The following DEUP1 variants were observed in gnomAD, a reference collection of about 807,000 sequenced individuals.
The protein encoded by DEUP1 is coiled-coil domain containing 67.
Under a neutral mutation model 87.4 loss-of-function variants are expected in DEUP1, and 82 were observed. The observed-to-expected ratio is 0.94, with a 90% confidence interval of 0.78 to 1.13. The LOEUF is 1.13. Among genes scored for constraint, DEUP1 ranks in the 50% most tolerant of loss-of-function variants. The pLI is 0.00. For missense variants in DEUP1, 663 were observed against 681.5 expected (o/e 0.97, Z 0.30); for synonymous variants, 214 against 222.7 (o/e 0.96, Z 0.35).
intron 2 of DEUP1, among the ~76,000 whole-genome samples, chr11:93,347,423 T>C (rs1248099776): frequency 6.6e-6 from 1 of 152,188 alleles, no homozygotes; most frequent in Non-Finnish European, 1.5e-5. Flanking sequence ...TTTGCCAGTA[T>C]TTTGTTGAGG....
intron 7 of DEUP1, among the ~76,000 whole-genome samples, chr11:93,375,490 T>C (rs749224241): frequency 6.6e-6 from 1 of 152,212 alleles, no homozygotes; most frequent in African/African-American, 2.4e-5. Context: ...GTTTTAATCA[T>C]AAAAGGATGC....
chr11:93,435,022 C>A (rs1948202596), intron 13 of DEUP1, among the ~76,000 whole-genome samples: 1 of 152,150 alleles, frequency 6.6e-6, no homozygotes, highest in African/African-American at 2.4e-5. Flanking sequence ...CCCCCACTGC[C>A]ATACTCTTTT....
intron 2 of DEUP1, among the ~76,000 whole-genome samples, chr11:93,339,132 C>G (rs1001979086): frequency 2.0e-5 from 3 of 152,164 alleles, no homozygotes; most frequent in Non-Finnish European, 4.4e-5. Context: ...TCCCTGTTTC[C>G]TCTAAAAGCA....
At chr11:93,428,472 C>T (rs1212447156) in intron 13 of DEUP1, among the ~76,000 whole-genome samples, 1 of 151,848 alleles carries the variant, frequency 6.6e-6, no homozygotes, top group Non-Finnish European at 1.5e-5. Context: ...GGAGGGATAG[C>T]ATTAGGAGAT....
At chr11:93,406,582 G>A (rs1390175854) in intron 11 of DEUP1, among the ~76,000 whole-genome samples, 1 of 151,708 alleles carries the variant, frequency 6.6e-6, no homozygotes, top group Non-Finnish European at 1.5e-5. Flanking sequence ...AAGCAAGGAA[G>A]AAGTCACAAG....
intron 5 of DEUP1, among the ~76,000 whole-genome samples, chr11:93,368,770 A>G (rs1945550947): frequency 6.6e-6 from 1 of 152,064 alleles, no homozygotes; most frequent in Non-Finnish European, 1.5e-5. Flanking sequence ...TGCTGTCTCT[A>G]CTAAAAATAC....
At chr11:93,417,076 C>A (rs1947667365) in intron 13 of DEUP1, among the ~76,000 whole-genome samples, 1 of 149,388 alleles carries the variant, frequency 6.7e-6, no homozygotes, top group Non-Finnish European at 1.5e-5. Flanking sequence ...CAATATCATA[C>A]TGAATGGGCA....
chr11:93,376,175 C>T (rs1946030342), intron 7 of DEUP1, among the ~76,000 whole-genome samples: 1 of 152,154 alleles, frequency 6.6e-6, no homozygotes. Flanking sequence ...AACTCCTGAG[C>T]TCAAATGATC....
chr11:93,386,839 A>G (rs183359521), intron 8 of DEUP1, among the ~76,000 whole-genome samples: 15 of 152,310 alleles, frequency 9.8e-5, no homozygotes, highest in African/African-American at 3.6e-4. Flanking sequence ...TGAAGAAAAT[A>G]TATTCCTAAA....
intron 2 of DEUP1, among the ~76,000 whole-genome samples, chr11:93,351,480 A>G (rs1265757285): frequency 6.6e-6 from 1 of 152,192 alleles, no homozygotes; most frequent in African/African-American, 2.4e-5. Context: ...TTACATTGAC[A>G]TAGTTCTTTT....
chr11:93,394,571 C>G lies in DEUP1; in HGVS notation c.1154C>G (p.Ala385Gly). ...EELHQKEITI[A>G]TVTKKAALLE... is the part of the protein sequence containing the mutation. ...CTTCATCAGAAGGAGATCACTATAG[C>G]AACTGTCACAAAGAAAGCTGCCCTT... Residue 385 changes from alanine (A) to glycine (G), a missense_variant, in exon 10 of 14, where the codon GCA becomes GGA. Ala to Gly is a moderately conservative substitution (Grantham distance 60). Transcript: ENST00000298050. 2 of 1,613,048 alleles carry G rather than the reference C, an allele frequency of 1.2e-6. No homozygotes were observed. The highest frequency in any genetic ancestry group is 1.7e-6 in the Non-Finnish European group (2 of 1,179,502).
rs1461206965 is a variant in DEUP1 at position 93,408,232 on chromosome 11, G to A, written c.1328G>A (p.Ser443Asn). ...ATGATAGTTTATTTTATTCTCTAGA[G>A]TATGGACTTCACTAACAGGGAACAG... Reference protein sequence around the residue: ...MGDLDPGEYMSMDFTNREQSR... With the variant: ...MGDLDPGEYMNMDFTNREQSR... The change falls in exon 12 of 14, where the codon AGT (serine) becomes AAT (asparagine). Residue 443 changes from serine to asparagine, a missense_variant and splice_region_variant. Physicochemically the swap from Ser to Asn is conservative, Grantham distance 46 (BLOSUM62 1). Coordinates refer to ENST00000298050, the MANE Select transcript of DEUP1 (RefSeq NM_181645.4). 1 of 1,559,224 alleles carries A rather than the reference G, an allele frequency of 6.4e-7. No individual in the cohort carries two copies. Among genetic ancestry groups the A allele is most frequent in the Non-Finnish European group, 8.7e-7 (1 of 1,151,020 alleles).
At chr11:93,362,249 A>G (rs1413190525) in intron 4 of DEUP1, among the ~76,000 whole-genome samples, 2 of 152,050 alleles carry the variant, frequency 1.3e-5, no homozygotes, top group African/African-American at 4.8e-5. Context: ...TGTGCTTCAA[A>G]GGACACCATC....
chr11:93,399,984 A>G (rs1947066114), intron 11 of DEUP1, among the ~76,000 whole-genome samples: 1 of 151,874 alleles, frequency 6.6e-6, no homozygotes, highest in Non-Finnish European at 1.5e-5. Flanking sequence ...ATCTTTTTCT[A>G]TTTTACTTAG....
chr11:93,390,880 G>GC (rs1347872990), intron 9 of DEUP1, among the ~76,000 whole-genome samples: 2 of 152,086 alleles, frequency 1.3e-5, no homozygotes, highest in African/African-American at 4.8e-5. Flanking sequence ...TCAGGAGTTT[G>GC]AGACCAGCCT....
At chr11:93,363,953 G>A (rs963425320) in intron 4 of DEUP1, among the ~76,000 whole-genome samples, 1 of 151,832 alleles carries the variant, frequency 6.6e-6, no homozygotes, top group Non-Finnish European at 1.5e-5. Context: ...AATGAATCTC[G>A]AGTTTACATG....
chr11:93,350,848 C>T (rs555110452), intron 2 of DEUP1, among the ~76,000 whole-genome samples: 245 of 151,412 alleles, frequency 1.6e-3, no homozygotes, highest in Non-Finnish European at 2.5e-3. Flanking sequence ...CCCAGCTACT[C>T]GGGAGGCTGA....
intron 2 of DEUP1, among the ~76,000 whole-genome samples, chr11:93,333,437 AGAGT>A (rs1943587755): frequency 1.3e-5 from 2 of 152,152 alleles, no homozygotes. Flanking sequence ...GCAAGAAGAG[AGAGT>A]AAGACCTTTT....
At chr11:93,393,028 CCTCCTCCTCCTTCTACTTCTTT>C (rs1946817733) in intron 9 of DEUP1, among the ~76,000 whole-genome samples, 1 of 142,380 alleles carries the variant, frequency 7.0e-6, no homozygotes, top group African/African-American at 2.6e-5. Flanking sequence ...TCTGAGCCCT[CCTCCTCCTCCTTCTACTTCTTT>C]CTCCTCCTCC....
Sources: allele counts gnomAD v4.1 joint callset (sites outside exome capture counted in the v4.1 genomes callset), GRCh38; gene constraint gnomAD v4.1.1; transcripts MANE v1.5; gene names NCBI Gene and HGNC (gene_info 2026-07-23, HGNC 2026-07-21).